Variants in DCLK1 observed in about 807,000 individuals in gnomAD.
DCLK1 encodes serine/threonine-protein kinase DCLK1.
In DCLK1, 16 loss-of-function variants were observed where a neutral mutation model predicts 86.2. That is an observed-to-expected ratio of 0.19 (90% confidence interval 0.13 to 0.28). DCLK1 has a LOEUF of 0.28. DCLK1 is among the 10% of genes least tolerant of loss of function. The pLI, the probability that DCLK1 is intolerant of heterozygous loss-of-function variation, is 1.00. For synonymous variants in DCLK1, 369 were observed against 370.5 expected, an observed-to-expected ratio of 1.00 and a Z score of 0.05; for missense variants, 590 against 940.2, an observed-to-expected ratio of 0.63 and a Z score of 4.87.
intron 3 of DCLK1, among the ~76,000 whole-genome samples, chr13:36,074,961 T>A (rs1211057660): frequency 6.6e-6 from 1 of 152,234 alleles, no homozygotes; most frequent in East Asian, 1.9e-4. Flanking sequence ...ACACAGAAGG[T>A]AACTCTATTC....
intron 4 of DCLK1, among the ~76,000 whole-genome samples, chr13:35,909,306 G>A (rs1423172015): frequency 6.6e-6 from 1 of 152,200 alleles, no homozygotes; most frequent in Non-Finnish European, 1.5e-5. Flanking sequence ...TCTCCAAAGA[G>A]GGTGTGAGAA....
chr13:35,785,684 G>T (rs1355281524), intron 16 of DCLK1, among the ~76,000 whole-genome samples: 5 of 152,134 alleles, frequency 3.3e-5, no homozygotes, highest in Admixed American at 2.6e-4. Context: ...TTTACAAAAA[G>T]CAAGCGCGAC....
At chr13:36,057,424 C>G (rs1883377385) in intron 3 of DCLK1, among the ~76,000 whole-genome samples, 1 of 152,170 alleles carries the variant, frequency 6.6e-6, no homozygotes, top group East Asian at 1.9e-4. Flanking sequence ...TTACTTAAAT[C>G]TATGTAACAC....
intron 4 of DCLK1, among the ~76,000 whole-genome samples, chr13:35,908,388 T>C (rs1019036247): frequency 4.6e-5 from 7 of 152,120 alleles, no homozygotes; most frequent in Admixed American, 2.0e-4. Flanking sequence ...AAATGCTGGG[T>C]TAAGGACAAA....
At chr13:35,792,399 GA>G (rs2086723916) in intron 16 of DCLK1, among the ~76,000 whole-genome samples, 1 of 151,408 alleles carries the variant, frequency 6.6e-6, no homozygotes, top group African/African-American at 2.4e-5. Context: ...AACCAAAAAA[GA>G]AAAAAAGGAA....
intron 2 of DCLK1, among the ~76,000 whole-genome samples, chr13:36,117,313 T>A (rs1047982512): frequency 6.6e-6 from 1 of 152,082 alleles, no homozygotes; most frequent in Non-Finnish European, 1.5e-5. Flanking sequence ...AAACAAAGAA[T>A]ATATGGAAAA....
At chr13:35,949,095 TGAA>T (rs1381902235) in intron 3 of DCLK1, among the ~76,000 whole-genome samples, 1 of 152,190 alleles carries the variant, frequency 6.6e-6, no homozygotes, top group Non-Finnish European at 1.5e-5. Context: ...CTGGCAGAAA[TGAA>T]GAAGTCATGA....
intron 10 of DCLK1, among the ~76,000 whole-genome samples, chr13:35,826,556 A>G (rs145948087): frequency 0.13 from 13,105 of 97,420 alleles, 3,544 homozygotes; most frequent in Non-Finnish European, 0.18. Flanking sequence ...AGAAAGAAAG[A>G]AAGAAACAAG....
chr13:35,859,272 C>T (rs1871250851), intron 5 of DCLK1, among the ~76,000 whole-genome samples: 3 of 152,312 alleles, frequency 2.0e-5, no homozygotes, highest in African/African-American at 7.2e-5. Context: ...TAGTAAAGAA[C>T]TCATTAGAAC....
At chr13:35,885,492 T>C (rs1330442078) in intron 4 of DCLK1, among the ~76,000 whole-genome samples, 1 of 152,214 alleles carries the variant, frequency 6.6e-6, no homozygotes, top group Non-Finnish European at 1.5e-5. Flanking sequence ...TCTGTGCTTA[T>C]TTGAAAGGGG....
At chr13:35,996,110 G>C in intron 3 of DCLK1, among the ~76,000 whole-genome samples, 1 of 152,056 alleles carries the variant, frequency 6.6e-6, no homozygotes, top group Admixed American at 6.6e-5. Context: ...TGTATTTTTA[G>C]TAGAGACGGG....
chr13:35,984,541 A>T (rs974076028), intron 3 of DCLK1, among the ~76,000 whole-genome samples: 2 of 151,816 alleles, frequency 1.3e-5, no homozygotes, highest in Admixed American at 6.6e-5. Flanking sequence ...TTACAGAAAA[A>T]CTCTGACACC....
intron 5 of DCLK1, chr13:35,869,130 T>C (rs747469821): frequency 2.0e-6 from 1 of 511,972 alleles, no homozygotes; most frequent in Non-Finnish European, 3.9e-6. Context: ...AGAAATGTTT[T>C]TTAGTTAAGA....
At chr13:35,947,267 G>T in intron 4 of DCLK1, 91 bp downstream of exon 4, 2 of 897,658 alleles carry the variant, frequency 2.2e-6, no homozygotes, top group Non-Finnish European at 1.8e-6. Context: ...TGATTTGGTA[G>T]CTTTGGAGTT....
chr13:35,777,013 T>C (rs150965806), intron 16 of DCLK1, among the ~76,000 whole-genome samples: 4 of 152,340 alleles, frequency 2.6e-5, no homozygotes, highest in African/African-American at 9.6e-5. Flanking sequence ...AACAATTATA[T>C]TCTCTTCCTT....
At chr13:35,983,966 C>T (rs899974034) in intron 3 of DCLK1, among the ~76,000 whole-genome samples, 4 of 152,116 alleles carry the variant, frequency 2.6e-5, no homozygotes, top group Admixed American at 1.3e-4. Flanking sequence ...GACTTGACCT[C>T]CTTGACTATG....
intron 3 of DCLK1, among the ~76,000 whole-genome samples, chr13:36,037,014 T>G (rs541351848): frequency 1.3e-4 from 20 of 152,086 alleles, no homozygotes; most frequent in African/African-American, 4.8e-4. Flanking sequence ...GATAGAAAAA[T>G]GTGATATATA....
chr13:35,989,571 C>T lies in DCLK1; in HGVS notation c.724-42114G>A, dbSNP rs571044308. ...ACAGGTGTATAATCCCATTACTGCA[C>T]CTGACCATTATTATTTTTTAAGAGG... is the stretch of plus-strand genomic sequence containing the variant. On this transcript the variant is annotated intron_variant, in intron 3 of 16. Coordinates refer to ENST00000360631, the MANE Select transcript of DCLK1 (RefSeq NM_001330071.2). Among the ~76,000 whole-genome samples, 6 of 152,220 alleles carry T rather than the reference C, an allele frequency of 3.9e-5. No homozygotes were observed. The South Asian group carries it at 1.0e-3, about 26-fold the overall frequency.
Position 35,976,525 on chromosome 13 carries a change from G to GTTTTTTTTTTTTTTTT in DCLK1, c.724-29084_724-29069dup, listed in dbSNP as rs11294824. Among the ~76,000 whole-genome samples the GTTTTTTTTTTTTTTTT allele has an allele frequency of 8.7e-4, 49 of 56,368 alleles. 7 individuals carry two copies. Among genetic ancestry groups the GTTTTTTTTTTTTTTTT allele is most frequent in the Non-Finnish European group, 1.0e-3 (30 of 29,994 alleles). The allele number at this position is 56,368 out of a possible 152,430, so 37.0% of individuals were successfully genotyped here. On this transcript the variant is annotated intron_variant, in intron 3 of 16. Transcript: ENST00000360631. ...CTCCCAGCACTTCAGCTTCTCCGAG[G>GTTTTTTTTTTTTTTTT]TTTTTTTTTTTTTTTTTTTTTTTGA...
Sources: allele counts gnomAD v4.1 joint callset (sites outside exome capture counted in the v4.1 genomes callset), GRCh38; gene constraint gnomAD v4.1.1; transcripts MANE v1.5; gene names NCBI Gene and HGNC (gene_info 2026-07-23, HGNC 2026-07-21).